NUMB: variants seen among roughly 807,000 people sequenced by gnomAD.
The protein encoded by NUMB is NUMB endocytic adaptor protein, also known as protein numb homolog.
NUMB carries 29 observed loss-of-function variants against 59.7 expected under a neutral mutation model. That is an observed-to-expected ratio of 0.49 (90% CI 0.36 to 0.66). The LOEUF (loss-of-function observed/expected upper bound fraction) is 0.66. Ranked by LOEUF, NUMB falls within the 30% of genes least tolerant of loss-of-function variation. The probability of loss-of-function intolerance (pLI) is 0.00; values close to 1 mark genes in which losing one functional copy is unlikely to be tolerated. For missense variants in NUMB, 723 were observed against 822.0 expected (o/e 0.88, Z 1.47); for synonymous variants, 288 against 288.2 (o/e 1.00, Z 0.01).
intron 5 of NUMB, among the ~76,000 whole-genome samples, chr14:73,319,062 T>A (rs1041475319): frequency 6.6e-6 from 1 of 151,978 alleles, no homozygotes; most frequent in African/African-American, 2.4e-5. Flanking sequence ...TCACCTAAGG[T>A]CAGGAGTTGG....
intron 2 of NUMB, among the ~76,000 whole-genome samples, chr14:73,394,924 G>A (rs1896042970): frequency 6.6e-6 from 1 of 151,920 alleles, no homozygotes; most frequent in East Asian, 1.9e-4. Flanking sequence ...TTTTAATAAA[G>A]CCACATTGTC....
chr14:73,288,854 C>T (rs1017270922), intron 8 of NUMB, among the ~76,000 whole-genome samples: 5 of 151,504 alleles, frequency 3.3e-5, no homozygotes, highest in Middle Eastern at 3.2e-3. Context: ...AGCAAAACTC[C>T]GTCTCAAAAA....
At chr14:73,357,476 G>A (rs1158057919) in intron 3 of NUMB, among the ~76,000 whole-genome samples, 1 of 150,370 alleles carries the variant, frequency 6.7e-6, no homozygotes, top group Non-Finnish European at 1.5e-5. Flanking sequence ...AAACATACAT[G>A]GGCTGGGCAC....
chr14:73,403,430 T>C (rs1391284613), intron 2 of NUMB, among the ~76,000 whole-genome samples: 1 of 152,208 alleles, frequency 6.6e-6, no homozygotes, highest in Non-Finnish European at 1.5e-5. Flanking sequence ...CAAAGTCACA[T>C]ACTAGTCCTA....
chr14:73,417,886 C>G (rs1897198792), intron 1 of NUMB, among the ~76,000 whole-genome samples: 1 of 152,172 alleles, frequency 6.6e-6, no homozygotes, highest in African/African-American at 2.4e-5. Context: ...GTAGGTAGAT[C>G]ACAAGGTCAG....
At chr14:73,400,684 G>A (rs1896369045) in intron 2 of NUMB, among the ~76,000 whole-genome samples, 1 of 152,160 alleles carries the variant, frequency 6.6e-6, no homozygotes, top group Non-Finnish European at 1.5e-5. Context: ...GGAGCTGAAG[G>A]GTAAGCTGAT....
intron 6 of NUMB, among the ~76,000 whole-genome samples, chr14:73,316,029 G>A (rs1050893840): frequency 6.6e-6 from 1 of 152,056 alleles, no homozygotes; most frequent in African/African-American, 2.4e-5. Flanking sequence ...TGGGATTACA[G>A]GTGCACATCA....
chr14:73,446,960 G>A (rs909441113), intron 1 of NUMB, among the ~76,000 whole-genome samples: 1 of 151,814 alleles, frequency 6.6e-6, no homozygotes, highest in African/African-American at 2.4e-5. Context: ...AGGCCGAGAT[G>A]GGCAGATCAT....
intron 6 of NUMB, among the ~76,000 whole-genome samples, chr14:73,304,886 A>C (rs1481035506): frequency 1.3e-5 from 2 of 151,932 alleles, no homozygotes; most frequent in Non-Finnish European, 2.9e-5. Context: ...TCAGCCTCTC[A>C]AATGGCTGGG....
rs147198332 is a variant in NUMB at position 73,310,284 on chromosome 14, A to AT, written c.234+6105dup. Among the ~76,000 whole-genome samples, 265 of 152,334 alleles carry AT rather than the reference A, an allele frequency of 1.7e-3. 1 individual carries two copies. Among genetic ancestry groups the AT allele is most frequent in the African/African-American group, 6.1e-3 (253 of 41,584 alleles). On this transcript the variant is annotated intron_variant, in intron 6 of 12. Coordinates refer to ENST00000555238, the MANE Select transcript of NUMB (RefSeq NM_001005743.2). ...AGGAAACTGTTGCCACACAGAAAGC[A>AT]TATTGTTTTGCCAGGTCTGCTAATT...
At chr14:73,324,597 A>G (rs1434645521) in intron 4 of NUMB, among the ~76,000 whole-genome samples, 4 of 152,074 alleles carry the variant, frequency 2.6e-5, no homozygotes, top group African/African-American at 9.7e-5. Flanking sequence ...CCCTAGAGAC[A>G]ATGGAGAACT....
chr14:73,296,286 T>C (rs947605786), intron 7 of NUMB, among the ~76,000 whole-genome samples: 3 of 151,958 alleles, frequency 2.0e-5, no homozygotes, highest in Non-Finnish European at 2.9e-5. Flanking sequence ...GTACCAAAAA[T>C]ACAAAAATTA....
intron 2 of NUMB, among the ~76,000 whole-genome samples, chr14:73,384,655 C>A (rs1402754699): frequency 6.6e-6 from 1 of 152,102 alleles, no homozygotes; most frequent in Non-Finnish European, 1.5e-5. Context: ...GCAACCTCTG[C>A]CTCCGAGGCT....
intron 2 of NUMB, among the ~76,000 whole-genome samples, chr14:73,380,145 G>C (rs540779269): frequency 3.3e-5 from 5 of 152,302 alleles, no homozygotes; most frequent in African/African-American, 1.2e-4. Context: ...CTGAAGCCTA[G>C]CTGCAACAGA....
intron 9 of NUMB, chr14:73,285,684 G>A (rs1216149870): frequency 6.6e-6 from 1 of 152,026 alleles, no homozygotes; most frequent in Non-Finnish European, 1.5e-5. Context: ...CCAGCACTTT[G>A]GGAGGCCAAG....
intron 6 of NUMB, among the ~76,000 whole-genome samples, chr14:73,305,486 AG>A (rs1348402678): frequency 6.6e-6 from 1 of 152,090 alleles, no homozygotes. Context: ...CAAGATCACC[AG>A]TGAGATAAGA....
chr14:73,327,159 G>T (rs1014232199), intron 4 of NUMB, among the ~76,000 whole-genome samples: 1 of 152,106 alleles, frequency 6.6e-6, no homozygotes, highest in East Asian at 1.9e-4. Flanking sequence ...AATTACAAGT[G>T]AGCCTCTCTG....
chr14:73,398,947 G>C (rs1249614658), intron 2 of NUMB, among the ~76,000 whole-genome samples: 1 of 152,072 alleles, frequency 6.6e-6, no homozygotes, highest in Non-Finnish European at 1.5e-5. Context: ...GTACACAGCA[G>C]CACTATTTGT....
At chr14:73,342,752 G>T (rs1189996774) in intron 4 of NUMB, among the ~76,000 whole-genome samples, 1 of 152,162 alleles carries the variant, frequency 6.6e-6, no homozygotes, top group Non-Finnish European at 1.5e-5. Flanking sequence ...TGTTTTTAAT[G>T]TACTGTATTT....
Sources: gnomAD v4.1 joint callset for allele counts (sites outside exome capture counted in the v4.1 genomes callset) on GRCh38, gnomAD v4.1.1 for gene constraint, MANE v1.5 for transcripts, NCBI Gene and HGNC (gene_info 2026-07-23, HGNC 2026-07-21) for gene names.